EYS: variants seen among roughly 807,000 people sequenced by gnomAD.
The protein encoded by EYS is protein eyes shut homolog.
A neutral mutation model predicts 282.1 loss-of-function variants in EYS; 250 were observed. The observed-to-expected ratio is 0.89, with a 90% CI of 0.80 to 0.98. The LOEUF is 0.98. Among genes scored for constraint, EYS ranks in the 50% least tolerant of loss-of-function variants. The pLI, the probability that EYS is intolerant of heterozygous loss-of-function variation, is 0.00. For missense variants in EYS, 4,016 were observed against 3,709.0 expected, an observed-to-expected ratio of 1.08 and a Z score of -2.15; for synonymous variants, 1,355 against 1,282.9, an observed-to-expected ratio of 1.06 and a Z score of -1.20.
chr6:64,689,247 G>A (rs1312839187), intron 22 of EYS, among the ~76,000 whole-genome samples: 3 of 152,094 alleles, frequency 2.0e-5, no homozygotes, highest in East Asian at 1.9e-4. Context: ...TAAAATACCT[G>A]GGAATCCAAC....
chr6:64,573,386 A>C (rs576423812), intron 26 of EYS, among the ~76,000 whole-genome samples: 1 of 152,210 alleles, frequency 6.6e-6, no homozygotes, highest in African/African-American at 2.4e-5. Flanking sequence ...TTCATGACTA[A>C]AACACCAAAA....
At chr6:64,593,064 C>T in intron 25 of EYS, 53 bp downstream of exon 25, 2 of 1,314,574 alleles carry the variant, frequency 1.5e-6, no homozygotes, top group South Asian at 1.7e-5. Context: ...ATGCTTTTAC[C>T]ACACAACTTT....
intron 19 of EYS, 94 bp from the exon 20 acceptor site, chr6:64,822,916 G>A: frequency 5.2e-6 from 5 of 953,020 alleles, no homozygotes; most frequent in Non-Finnish European, 7.8e-6. Flanking sequence ...AAGAAATGAA[G>A]ACCTCTCTCT....
intron 28 of EYS, among the ~76,000 whole-genome samples, chr6:64,391,294 G>A (rs1351183336): frequency 6.6e-6 from 1 of 151,428 alleles, no homozygotes; most frequent in Non-Finnish European, 1.5e-5. Flanking sequence ...GATACTCCTC[G>A]AGAAGAGCAA....
chr6:65,552,824 AG>A (rs1261749067), intron 2 of EYS, among the ~76,000 whole-genome samples: 1 of 151,662 alleles, frequency 6.6e-6, no homozygotes, highest in East Asian at 1.9e-4. Context: ...TCAAAATAAA[AG>A]GGGTAACCAA....
chr6:65,271,225 A>G (rs1238165586), intron 12 of EYS, among the ~76,000 whole-genome samples: 3 of 148,282 alleles, frequency 2.0e-5, no homozygotes, highest in African/African-American at 5.0e-5. Flanking sequence ...CTGTCTGCCA[A>G]TTGGAGACCC....
chr6:65,531,059 CT>C (rs1156975858), intron 2 of EYS, among the ~76,000 whole-genome samples: 4 of 151,954 alleles, frequency 2.6e-5, no homozygotes, highest in African/African-American at 9.7e-5. Flanking sequence ...AATGAATAAT[CT>C]GTGTTTTTTA....
chr6:65,581,644 CTTA>C (rs1215321339), intron 2 of EYS, among the ~76,000 whole-genome samples: 1 of 151,962 alleles, frequency 6.6e-6, no homozygotes, highest in Non-Finnish European at 1.5e-5. Flanking sequence ...TAGTGATGCT[CTTA>C]TTAACCAAAA....
intron 2 of EYS, among the ~76,000 whole-genome samples, chr6:65,570,697 C>G (rs1764446886): frequency 6.6e-6 from 1 of 152,102 alleles, no homozygotes; most frequent in Non-Finnish European, 1.5e-5. Context: ...CTCTTTCCTA[C>G]AGTGTATCTA....
At chr6:65,205,108 AAT>A (rs1354105035) in intron 12 of EYS, among the ~76,000 whole-genome samples, 3 of 146,266 alleles carry the variant, frequency 2.1e-5, no homozygotes, top group South Asian at 4.2e-4. Context: ...ATTCTAGAAG[AAT>A]ATATATATAT....
chr6:64,051,765 GAA>G (rs1770816394), intron 33 of EYS, among the ~76,000 whole-genome samples: 1 of 152,076 alleles, frequency 6.6e-6, no homozygotes, highest in Non-Finnish European at 1.5e-5. Flanking sequence ...CTTTCACAAA[GAA>G]AAGAGTCAGG....
intron 22 of EYS, 34 bp downstream of exon 22, chr6:64,813,344 A>C (rs943687333): frequency 6.7e-7 from 1 of 1,485,278 alleles, no homozygotes; most frequent in Non-Finnish European, 9.1e-7. Context: ...TCCTAAATAT[A>C]TATTTACTTA....
chr6:65,322,190 GC>G (rs1293952281), intron 11 of EYS, among the ~76,000 whole-genome samples: 4 of 152,150 alleles, frequency 2.6e-5, no homozygotes, highest in African/African-American at 9.7e-5. Context: ...TCTTGCATAT[GC>G]AAGATCTAAT....
intron 30 of EYS, among the ~76,000 whole-genome samples, chr6:64,304,157 G>A (rs988348053): frequency 3.3e-5 from 5 of 152,128 alleles, no homozygotes; most frequent in Non-Finnish European, 4.4e-5. Flanking sequence ...GACTCTGACA[G>A]CAGAGCCCCT....
chr6:64,315,361 T>G (rs1769911085), intron 29 of EYS, among the ~76,000 whole-genome samples: 1 of 152,184 alleles, frequency 6.6e-6, no homozygotes. Context: ...GTATCATTCC[T>G]TCTGAAACTA....
intron 2 of EYS, among the ~76,000 whole-genome samples, chr6:65,609,602 G>T (rs571707765): frequency 1.3e-5 from 2 of 151,938 alleles, no homozygotes; most frequent in South Asian, 4.1e-4. Context: ...GGTTTGAATT[G>T]CCACCTGGCA....
chr6:64,269,852 T>C (rs1265283297), intron 30 of EYS, among the ~76,000 whole-genome samples: 1 of 152,066 alleles, frequency 6.6e-6, no homozygotes, highest in Non-Finnish European at 1.5e-5. Flanking sequence ...ATGCAAGATA[T>C]GAGCAAGGTA....
intron 31 of EYS, among the ~76,000 whole-genome samples, chr6:64,124,422 T>C (rs1311863475): frequency 1.3e-5 from 2 of 152,204 alleles, no homozygotes; most frequent in Non-Finnish European, 2.9e-5. Context: ...GTGTTAAATA[T>C]ATTGCTCTAA....
intron 41 of EYS, among the ~76,000 whole-genome samples, chr6:63,730,710 T>G (rs1406995094): frequency 6.6e-6 from 1 of 152,190 alleles, no homozygotes; most frequent in Non-Finnish European, 1.5e-5. Flanking sequence ...TGTTGCCATG[T>G]TTTGAGTTGC....
Sources: gnomAD v4.1 joint callset for allele counts (sites outside exome capture counted in the v4.1 genomes callset) on GRCh38, gnomAD v4.1.1 for gene constraint, MANE v1.5 for transcripts, NCBI Gene and HGNC (gene_info 2026-07-23, HGNC 2026-07-21) for gene names.